Variants in SLC30A9 observed in about 807,000 individuals in gnomAD.
SLC30A9 encodes proton-coupled zinc antiporter SLC30A9, mitochondrial.
In SLC30A9, 58 loss-of-function variants were observed where a neutral mutation model predicts 87.5. The ratio of observed to expected loss-of-function variants is 0.66; its 90% CI spans 0.54 to 0.82. The LOEUF is 0.82. Ranked by LOEUF, SLC30A9 falls within the 40% of genes least tolerant of loss-of-function variation. SLC30A9 has a pLI of 0.00. For synonymous variants in SLC30A9, 234 were observed against 233.0 expected, an observed-to-expected ratio of 1.00 and a Z score of -0.04; for missense variants, 557 against 679.1, an observed-to-expected ratio of 0.82 and a Z score of 2.00.
chr4:42,027,848 A>G (rs145268172), intron 6 of SLC30A9, among the ~76,000 whole-genome samples: 5 of 152,374 alleles, frequency 3.3e-5, no homozygotes, highest in African/African-American at 1.2e-4. Flanking sequence ...CAAGTAAATT[A>G]AGTCCTGTTT....
intron 8 of SLC30A9, among the ~76,000 whole-genome samples, chr4:42,040,588 G>A (rs1201378136): frequency 6.6e-6 from 1 of 152,064 alleles, no homozygotes; most frequent in Non-Finnish European, 1.5e-5. Flanking sequence ...CCGAGGTCAG[G>A]AGATTGAGAC....
rs144150623 is a variant in SLC30A9 at position 42,083,737 on chromosome 4, A to G, written c.1663-2345A>G. On this transcript the variant is annotated intron_variant, in intron 17 of 17. Coordinates refer to ENST00000264451, the MANE Select transcript of SLC30A9 (RefSeq NM_006345.4). ...TAGGTAAGGGTTGATTGGAGTAGGAAGATACAATTTAGTTTCATTTCTGTT... is the reference window on the plus strand; with the variant it reads ...TAGGTAAGGGTTGATTGGAGTAGGAGGATACAATTTAGTTTCATTTCTGTT... Among the ~76,000 whole-genome samples, 87 of 152,322 alleles carry G rather than the reference A, an allele frequency of 5.7e-4. No individual in the cohort carries two copies. The East Asian group carries it at 0.012, about 21-fold the overall frequency.
At chr4:42,011,037 A>C (rs1368781806) in intron 2 of SLC30A9, among the ~76,000 whole-genome samples, 2 of 152,146 alleles carry the variant, frequency 1.3e-5, no homozygotes, top group African/African-American at 4.8e-5. Context: ...GCTGTGTCTT[A>C]CAGGAAGCTG....
chr4:42,074,363 C>T (rs1296765270), intron 15 of SLC30A9, among the ~76,000 whole-genome samples: 1 of 152,106 alleles, frequency 6.6e-6, no homozygotes, highest in Non-Finnish European at 1.5e-5. Flanking sequence ...TCTCCATGTC[C>T]TCAGAATTCA....
intron 17 of SLC30A9, 94 bp downstream of exon 17, chr4:42,078,419 C>T: frequency 6.0e-6 from 4 of 664,832 alleles, no homozygotes; most frequent in Non-Finnish European, 1.1e-5. Flanking sequence ...CCATCACATG[C>T]ATGCTTTAAC....
rs554977216 is a variant in SLC30A9 at position 42,054,616 on chromosome 4, G to A, written c.840+5137G>A. On this transcript the variant is annotated intron_variant, in intron 9 of 17. Coordinates refer to ENST00000264451, the MANE Select transcript of SLC30A9 (RefSeq NM_006345.4). ...CACCATTCTCCTGCCTCAGCCTCCC[G>A]AGTAGCTGGGACTACAGGTGCCTGC... 2.8e-4 allele frequency among the ~76,000 whole-genome samples: 43 copies of A among 151,384 alleles called. 1 individual carries two copies. The highest frequency in any genetic ancestry group is 1.2e-3 in the Admixed American group (18 of 15,184).
chr4:41,990,583 G>A lies in SLC30A9; in HGVS notation c.-69G>A. On this transcript the variant is annotated 5_prime_UTR_variant, in exon 1 of 18. Coordinates refer to ENST00000264451, the MANE Select transcript of SLC30A9 (RefSeq NM_006345.4). ...TGTTCGCTGATGTCCAGTCTATGGA[G>A]TCAGTTGGTACCGGTGGCGGCGCGG... 1 of 909,996 alleles carries A rather than the reference G, an allele frequency of 1.1e-6. No individual in the cohort carries two copies. The highest frequency in any genetic ancestry group is 1.7e-6 in the Non-Finnish European group (1 of 581,714). The allele number at this position is 909,996 out of a possible 1,614,324, so 56.4% of individuals were successfully genotyped here.
At chr4:42,026,327 A>T (rs1716189341) in intron 6 of SLC30A9, among the ~76,000 whole-genome samples, 2 of 152,178 alleles carry the variant, frequency 1.3e-5, no homozygotes, top group Admixed American at 6.5e-5. Flanking sequence ...GGCATATTCC[A>T]TTGGGGAATT....
intron 4 of SLC30A9, among the ~76,000 whole-genome samples, chr4:42,022,448 TC>T (rs1716008246): frequency 6.6e-6 from 1 of 151,696 alleles, no homozygotes; most frequent in Non-Finnish European, 1.5e-5. Flanking sequence ...ACCAGGCTGG[TC>T]TCGAACTCCT....
intron 9 of SLC30A9, among the ~76,000 whole-genome samples, chr4:42,056,693 T>G (rs895432073): frequency 7.9e-5 from 12 of 152,130 alleles, no homozygotes; most frequent in African/African-American, 2.4e-4. Context: ...CCCAAAGTCT[T>G]AACTCATTTC....
intron 3 of SLC30A9, 82 bp downstream of exon 3, chr4:42,018,252 T>C (rs1715803575): frequency 2.5e-6 from 2 of 812,458 alleles, no homozygotes; most frequent in South Asian, 1.7e-5. Context: ...GAGCTCTTTA[T>C]AGTTATATTA....
At chr4:42,041,989 C>T (rs1435792516) in intron 8 of SLC30A9, among the ~76,000 whole-genome samples, 1 of 152,180 alleles carries the variant, frequency 6.6e-6, no homozygotes, top group African/African-American at 2.4e-5. Context: ...CAAGGGAAGC[C>T]ATGAGGGACT....
chr4:42,042,573 G>A (rs114206316), intron 8 of SLC30A9, among the ~76,000 whole-genome samples: 79 of 152,282 alleles, frequency 5.2e-4, no homozygotes, highest in African/African-American at 1.2e-3. Context: ...CAGCAGTCCC[G>A]GTCAGGGGCT....
intron 8 of SLC30A9, among the ~76,000 whole-genome samples, chr4:42,043,329 G>T (rs576380665): frequency 7.9e-5 from 12 of 152,106 alleles, no homozygotes; most frequent in African/African-American, 2.7e-4. Context: ...TTGAAAAAAG[G>T]TAAGAGAAAT....
intron 9 of SLC30A9, among the ~76,000 whole-genome samples, chr4:42,056,607 C>T (rs1405399022): frequency 6.6e-6 from 1 of 152,120 alleles, no homozygotes; most frequent in Non-Finnish European, 1.5e-5. Context: ...ACAGCCAAAC[C>T]ATATCTTCCC....
At chr4:41,997,141 T>G (rs1156907074) in intron 1 of SLC30A9, among the ~76,000 whole-genome samples, 1 of 141,632 alleles carries the variant, frequency 7.1e-6, no homozygotes. Flanking sequence ...TGTCATCATC[T>G]CCTATTGTTT....
At chr4:42,067,550 TGA>T (rs2153140309) in intron 14 of SLC30A9, among the ~76,000 whole-genome samples, 1 of 152,368 alleles carries the variant, frequency 6.6e-6, no homozygotes, top group African/African-American at 2.4e-5. Context: ...TAAGAAAATA[TGA>T]GAGTTTTAAT....
chr4:42,075,002 A>T (rs1718462470), intron 15 of SLC30A9, among the ~76,000 whole-genome samples: 1 of 130,036 alleles, frequency 7.7e-6, no homozygotes, highest in African/African-American at 2.8e-5. Flanking sequence ...ATTTTAGAAA[A>T]TTGATTTAGA....
At chr4:42,072,674 T>C (rs1404626394) in intron 15 of SLC30A9, among the ~76,000 whole-genome samples, 1 of 152,202 alleles carries the variant, frequency 6.6e-6, no homozygotes, top group Non-Finnish European at 1.5e-5. Flanking sequence ...ACATATAGTC[T>C]TGGATAATAT....
Sources: allele counts gnomAD v4.1 joint callset (sites outside exome capture counted in the v4.1 genomes callset), GRCh38; gene constraint gnomAD v4.1.1; transcripts MANE v1.5; gene names NCBI Gene and HGNC (gene_info 2026-07-23, HGNC 2026-07-21).